CIAO2A: variants seen among roughly 807,000 people sequenced by gnomAD.
CIAO2A encodes cytosolic iron-sulfur assembly component 2A, also known as MIP18 family protein FAM96A.
Under a neutral mutation model 22.4 loss-of-function variants are expected in CIAO2A, and 17 were observed. The ratio of observed to expected loss-of-function variants is 0.76; its 90% CI spans 0.52 to 1.14. CIAO2A has a LOEUF of 1.14. CIAO2A is among the 50% of genes most tolerant of loss of function. The probability of loss-of-function intolerance (pLI) is 0.00; values close to 1 mark genes in which losing one functional copy is unlikely to be tolerated. For missense variants in CIAO2A, 192 were observed against 191.4 expected (o/e 1.00, Z -0.02); for synonymous variants, 74 against 72.3 (o/e 1.02, Z -0.12).
chr15:64,076,898 G>A (rs530518839), intron 3 of CIAO2A, among the ~76,000 whole-genome samples: 13 of 151,838 alleles, frequency 8.6e-5, no homozygotes, highest in African/African-American at 1.5e-4. Context: ...TAGAGACCGC[G>A]TATCGCCATA....
chr15:64,093,130 G>A (rs1044971407), intron 1 of CIAO2A, among the ~76,000 whole-genome samples: 1 of 152,214 alleles, frequency 6.6e-6, no homozygotes, highest in Non-Finnish European at 1.5e-5. Flanking sequence ...AGCCAATCTC[G>A]TTCTCTTCTT....
Position 64,093,645 on chromosome 15 carries a change from C to A in CIAO2A, c.124G>T (p.Asp42Tyr). 6.2e-7 allele frequency: 1 copy of A among 1,613,102 alleles called. No individual in the cohort carries two copies. Among genetic ancestry groups the A allele is most frequent in the South Asian group, 1.1e-5 (1 of 91,000 alleles). The change falls in exon 1 of 5, where the codon GAT becomes TAT. Residue 42 changes from aspartate (D) to tyrosine (Y), a missense_variant and splice_region_variant. Transcript: ENST00000300030. ...IMEEKALEVY[D>Y]LIRTIRDPEK... ...TGCTGTGCTGGGTAAAATTAATTAC[C>A]ATAAACTTCTAGCGCTTTCTCTTCC...
intron 3 of CIAO2A, among the ~76,000 whole-genome samples, chr15:64,075,938 C>T (rs1195945229): frequency 6.6e-6 from 1 of 151,568 alleles, no homozygotes; most frequent in Non-Finnish European, 1.5e-5. Flanking sequence ...GGATTACAGG[C>T]GTGAGCCACT....
At chr15:64,085,021 G>A (rs530375489) in intron 2 of CIAO2A, among the ~76,000 whole-genome samples, 1 of 118,164 alleles carries the variant, frequency 8.5e-6, no homozygotes, top group African/African-American at 3.0e-5. Context: ...GAACCTGGGA[G>A]GTGGAAGCTC....
At chr15:64,080,598 C>T (rs2080752693) in intron 3 of CIAO2A, among the ~76,000 whole-genome samples, 3 of 152,146 alleles carry the variant, frequency 2.0e-5, no homozygotes, top group Admixed American at 6.6e-5. Flanking sequence ...AGGAGAATCG[C>T]TTGAACCTGA....
chr15:64,085,944 A>C (rs62023395), intron 2 of CIAO2A, among the ~76,000 whole-genome samples: 7 of 150,944 alleles, frequency 4.6e-5, no homozygotes, highest in African/African-American at 1.7e-4. Flanking sequence ...TCCTGACCTC[A>C]TGATCTGCCC....
chr15:64,084,730 T>C (rs2080780751), intron 2 of CIAO2A, among the ~76,000 whole-genome samples: 3 of 151,704 alleles, frequency 2.0e-5, no homozygotes, highest in Admixed American at 6.6e-5. Context: ...GATCATGCCA[T>C]TGCACTCCAG....
chr15:64,091,298 A>G (rs922886422), intron 1 of CIAO2A, among the ~76,000 whole-genome samples: 4 of 152,156 alleles, frequency 2.6e-5, no homozygotes, highest in African/African-American at 9.7e-5. Flanking sequence ...CAGCCTGGCC[A>G]ACATGGCAAA....
intron 2 of CIAO2A, among the ~76,000 whole-genome samples, chr15:64,081,793 C>G (rs1018063715): frequency 6.6e-6 from 1 of 152,030 alleles, no homozygotes; most frequent in Non-Finnish European, 1.5e-5. Flanking sequence ...CCTGCCTTAG[C>G]CTTCCAAAGT....
At chr15:64,086,915 A>AT (rs1016662724) in intron 2 of CIAO2A, among the ~76,000 whole-genome samples, 64 of 136,278 alleles carry the variant, frequency 4.7e-4, no homozygotes, top group Middle Eastern at 8.8e-3. Context: ...GCCAATGGGA[A>AT]TTTTTTTTTT....
At chr15:64,077,805 ACCG>A (rs1408305131) in intron 3 of CIAO2A, among the ~76,000 whole-genome samples, 4 of 152,196 alleles carry the variant, frequency 2.6e-5, no homozygotes, top group Admixed American at 2.6e-4. Context: ...AGGAGGAGGG[ACCG>A]CCATGAAGGA....
chr15:64,074,138 A>AT (rs1239783731), intron 4 of CIAO2A, among the ~76,000 whole-genome samples: 6 of 152,128 alleles, frequency 3.9e-5, no homozygotes, highest in Non-Finnish European at 7.4e-5. Flanking sequence ...TAATAAAGGT[A>AT]TTGGCCCATT....
In CIAO2A at chr15:64,092,143, C is replaced by A. The variant is rs75352390; in HGVS notation, c.124+1502G>T. On this transcript the variant is annotated intron_variant, in intron 1 of 4. Transcript: ENST00000300030. ...CCCACACTAACATTCTTCCACAGCA[C>A]TGCACTATTAAAATTCTTCATTTAT... Among the ~76,000 whole-genome samples the A allele has an allele frequency of 3.5e-3, 537 of 151,734 alleles. 4 individuals are homozygous for A. The highest frequency in any genetic ancestry group is 0.013 in the African/African-American group (518 of 41,324).
At chr15:64,085,402 G>A in intron 2 of CIAO2A, among the ~76,000 whole-genome samples, 1 of 152,140 alleles carries the variant, frequency 6.6e-6, no homozygotes, top group Non-Finnish European at 1.5e-5. Context: ...GGAGACTGAG[G>A]TGGGAGGATC....
chr15:64,092,915 T>C (rs1263401971), intron 1 of CIAO2A, among the ~76,000 whole-genome samples: 1 of 152,240 alleles, frequency 6.6e-6, no homozygotes, highest in Non-Finnish European at 1.5e-5. Flanking sequence ...GCATTACGGT[T>C]AGAACCAGTA....
rs2080836032 is a variant in CIAO2A, at chr15:64,091,008, T to C, written c.125-2157A>G. Among the ~76,000 whole-genome samples the C allele has an allele frequency of 2.0e-5, 3 of 152,022 alleles. No individual in the cohort carries two copies. In the South Asian group the frequency reaches 6.2e-4, roughly 32 times the overall value. On this transcript the variant is annotated intron_variant, in intron 1 of 4. Transcript: ENST00000300030. ...AGGAAAGGAGAACAATAAAGAGAAA[T>C]GGTGAGGTAGAAAGGAAAGAAGCAG...
chr15:64,093,241 G>C (rs2080857413), intron 1 of CIAO2A, among the ~76,000 whole-genome samples: 1 of 152,194 alleles, frequency 6.6e-6, no homozygotes, highest in Non-Finnish European at 1.5e-5. Flanking sequence ...GCGGTAGCAA[G>C]AGTGCGTGTC....
intron 1 of CIAO2A, among the ~76,000 whole-genome samples, chr15:64,093,023 C>A (rs1018347835): frequency 1.3e-5 from 2 of 152,146 alleles, no homozygotes; most frequent in African/African-American, 2.4e-5. Context: ...TAAAGATGGC[C>A]CCAAGGGTTA....
chr15:64,084,387 T>A (rs1381284311), intron 2 of CIAO2A, among the ~76,000 whole-genome samples: 1 of 152,136 alleles, frequency 6.6e-6, no homozygotes, highest in Admixed American at 6.6e-5. Flanking sequence ...TACCAATATA[T>A]ACCATGAGGC....
Sources: gnomAD v4.1 joint callset for allele counts (sites outside exome capture counted in the v4.1 genomes callset) on GRCh38, gnomAD v4.1.1 for gene constraint, MANE v1.5 for transcripts, NCBI Gene and HGNC (gene_info 2026-07-23, HGNC 2026-07-21) for gene names.